Variants in EPB41L1 observed in about 807,000 individuals in gnomAD.
EPB41L1 encodes the protein erythrocyte membrane protein band 4.1 like 1.
In EPB41L1, 29 loss-of-function variants were observed where a neutral mutation model predicts 97.8. The ratio of observed to expected loss-of-function variants is 0.30; its 90% CI spans 0.22 to 0.40. The LOEUF is 0.40. Ranked by LOEUF, EPB41L1 falls within the 10% of genes least tolerant of loss-of-function variation. The pLI is 1.00. For missense variants in EPB41L1, 812 were observed against 1,162.3 expected (o/e 0.70, Z 4.38); for synonymous variants, 383 against 459.2 (o/e 0.83, Z 2.12).
chr20:36,184,499 C>T (rs1392510660), intron 6 of EPB41L1, among the ~76,000 whole-genome samples: 1 of 151,896 alleles, frequency 6.6e-6, no homozygotes, highest in Non-Finnish European at 1.5e-5. Flanking sequence ...GAGCTGGAGG[C>T]AAAATAAGAA....
intron 16 of EPB41L1, among the ~76,000 whole-genome samples, chr20:36,213,599 A>G (rs2063266184): frequency 6.6e-6 from 1 of 152,120 alleles, no homozygotes; most frequent in African/African-American, 2.4e-5. Flanking sequence ...TGTTTTAGTA[A>G]CACGTGTTTC....
At chr20:36,149,278 T>C (rs1389949296) in intron 2 of EPB41L1, among the ~76,000 whole-genome samples, 2 of 152,162 alleles carry the variant, frequency 1.3e-5, no homozygotes, top group Non-Finnish European at 2.9e-5. Flanking sequence ...ACATTGCCCT[T>C]AGGCTGTTCA....
At position 36,209,392 on chromosome 20, in the gene EPB41L1, GCC is replaced by G; in HGVS notation, c.1669-93_1669-92del. 7.4e-7 allele frequency: 1 copy of G among 1,347,606 alleles called. No homozygotes were observed. The highest frequency in any genetic ancestry group is 1.0e-6 in the Non-Finnish European group (1 of 993,538). The allele number at this position is 1,347,606 out of a possible 1,614,324, so 83.5% of individuals were successfully genotyped here. A position where few individuals can be genotyped will look rare whatever the true frequency, so the allele number is the denominator to read the frequency against. On this transcript the variant is annotated intron_variant, in intron 14 of 21. Coordinates refer to ENST00000338074, the MANE Select transcript of EPB41L1 (RefSeq NM_012156.2). The surrounding 1 kb of genome is among the most constrained non-coding windows in gnomAD (Gnocchi z 4.2). ...CTCTTCCATTCAGGATGTCGACACA[GCC>G]CCGAGATTTCTCCTGACATTCACCA...
In EPB41L1 at chr20:36,219,752, A is replaced by G. The variant is rs1490860562; in HGVS notation, c.2356-9A>G. 6.2e-7 allele frequency: 1 copy of G among 1,613,856 alleles called. No homozygotes were observed. The highest frequency in any genetic ancestry group is 2.2e-5 in the East Asian group (1 of 44,880). On this transcript the variant is annotated splice_polypyrimidine_tract_variant and intron_variant, in intron 18 of 21. Coordinates refer to ENST00000338074, the MANE Select transcript of EPB41L1 (RefSeq NM_012156.2). ...GACACCCTGGGTGGGGGGTGGTTAT[A>G]TTCTGCAGATCATCGGGAAAGATGT...
chr20:36,121,021 C>T (rs1403741741), intron 2 of EPB41L1, among the ~76,000 whole-genome samples: 1 of 150,872 alleles, frequency 6.6e-6, no homozygotes, highest in Non-Finnish European at 1.5e-5. Context: ...TGAGATGTGC[C>T]GCCTTCAAAC....
chr20:36,142,591 C>T (rs755722198), intron 2 of EPB41L1, among the ~76,000 whole-genome samples: 8 of 152,186 alleles, frequency 5.3e-5, no homozygotes, highest in Non-Finnish European at 7.3e-5. Flanking sequence ...AACCCGGCAG[C>T]GGTAGCTTAG....
chr20:36,172,667 C>T (rs963411492), intron 1 of EPB41L1, among the ~76,000 whole-genome samples: 16 of 152,116 alleles, frequency 1.1e-4, no homozygotes, highest in African/African-American at 3.6e-4. Context: ...GTGGTGCAAT[C>T]TCAGCTTACT....
chr20:36,158,316 G>T (rs754804462), intron 1 of EPB41L1, among the ~76,000 whole-genome samples: 1 of 152,210 alleles, frequency 6.6e-6, no homozygotes, highest in Non-Finnish European at 1.5e-5. Context: ...GAGAGATGCA[G>T]ACATGACACA....
At chr20:36,156,213 C>T (rs188923207) in intron 1 of EPB41L1, among the ~76,000 whole-genome samples, 1 of 152,200 alleles carries the variant, frequency 6.6e-6, no homozygotes, top group African/African-American at 2.4e-5. Flanking sequence ...GCCTGCCTGG[C>T]AACCCAGGCA....
At chr20:36,105,541 CT>C (rs754459812) in intron 1 of EPB41L1, among the ~76,000 whole-genome samples, 28 of 152,290 alleles carry the variant, frequency 1.8e-4, no homozygotes, top group Non-Finnish European at 3.1e-4. Flanking sequence ...TATTGAGCAC[CT>C]ATTATGTGCC....
intron 1 of EPB41L1, 115 bp downstream of exon 1, chr20:36,155,011 G>A (rs2060228992): frequency 3.0e-6 from 3 of 994,950 alleles, no homozygotes; most frequent in Non-Finnish European, 4.0e-6. Flanking sequence ...TTTTCAGGCT[G>A]TTGGTCCCCT....
rs1450812892 is a variant in EPB41L1 at position 36,206,348 on chromosome 20, T to C, written c.1669-3140T>C. ...GCTCCAGGGACCAGGCCAGCAGAGG[T>C]GGACGTCCTCTCTCCAGCCTCCGAC... On this transcript the variant is annotated intron_variant, in intron 14 of 21. Transcript: ENST00000338074. The surrounding 1 kb of genome is among the most constrained non-coding windows in gnomAD (Gnocchi z 5.5). 7.8e-6 allele frequency: 10 copies of C among 1,289,626 alleles called. No individual in the cohort carries two copies. Among genetic ancestry groups the C allele is most frequent in the Non-Finnish European group, 1.0e-5 (10 of 988,872 alleles). The allele number at this position is 1,289,626 out of a possible 1,614,324, so 79.9% of individuals were successfully genotyped here. A position where few individuals can be genotyped will look rare whatever the true frequency, so the allele number is the denominator to read the frequency against.
At chr20:36,112,610 C>T (rs1019385726) in intron 2 of EPB41L1, 1 of 152,238 alleles carries the variant, frequency 6.6e-6, no homozygotes, top group East Asian at 1.9e-4. Flanking sequence ...GTCTACGCCA[C>T]CTGTTTCTGG....
chr20:36,177,845 C>G (rs564259021), intron 3 of EPB41L1, 107 bp from the exon 4 acceptor site: 2 of 904,096 alleles, frequency 2.2e-6, no homozygotes, highest in Admixed American at 2.0e-5. Flanking sequence ...GTCCAGACAC[C>G]GAAAGGCCCT....
chr20:36,206,077 A>G lies in EPB41L1; in HGVS notation c.1669-3411A>G. On this transcript the variant is annotated intron_variant, in intron 14 of 21. Coordinates refer to ENST00000338074, the MANE Select transcript of EPB41L1 (RefSeq NM_012156.2). The surrounding 1 kb of genome is among the most constrained non-coding windows in gnomAD (Gnocchi z 5.5). ...AGCAAACACCCAGCAACAAGGAAAA[A>G]TGATTGCAAGTCCTGAAGACTTTGA... 1 of 1,289,898 alleles carries G rather than the reference A, an allele frequency of 7.8e-7. No individual in the cohort carries two copies. The highest frequency in any genetic ancestry group is 1.2e-5 in the South Asian group (1 of 81,036). The allele number at this position is 1,289,898 out of a possible 1,614,324, so 79.9% of individuals were successfully genotyped here. A position where few individuals can be genotyped will look rare whatever the true frequency, so the allele number is the denominator to read the frequency against.
At chr20:36,216,690 C>T (rs2063463960) in intron 17 of EPB41L1, among the ~76,000 whole-genome samples, 1 of 152,256 alleles carries the variant, frequency 6.6e-6, no homozygotes, top group Admixed American at 6.5e-5. Context: ...ACTGTGAATC[C>T]AGCTTGAAGA....
intron 6 of EPB41L1, among the ~76,000 whole-genome samples, chr20:36,182,913 A>G (rs2061527699): frequency 6.6e-6 from 1 of 152,142 alleles, no homozygotes; most frequent in Non-Finnish European, 1.5e-5. Context: ...CTGTGCACAC[A>G]TCAGGCACAT....
intron 1 of EPB41L1, among the ~76,000 whole-genome samples, chr20:36,161,475 GT>G (rs374156841): frequency 6.6e-6 from 1 of 151,684 alleles, no homozygotes; most frequent in African/African-American, 2.4e-5. Context: ...TGTTTTTTGG[GT>G]TTTTTTGTTT....
At chr20:36,143,082 G>A (rs775591427) in intron 2 of EPB41L1, among the ~76,000 whole-genome samples, 2 of 151,892 alleles carry the variant, frequency 1.3e-5, no homozygotes, top group Non-Finnish European at 2.9e-5. Flanking sequence ...TGACCGCACC[G>A]CCAGGTGTCT....
Sources: gnomAD v4.1 joint callset for allele counts (sites outside exome capture counted in the v4.1 genomes callset) on GRCh38, gnomAD v4.1.1 for gene constraint, Gnocchi (gnomAD v3.1) non-coding constraint, MANE v1.5 for transcripts, NCBI Gene and HGNC (gene_info 2026-07-23, HGNC 2026-07-21) for gene names.